Variants in TBC1D12 observed in about 807,000 individuals in gnomAD.
TBC1D12 encodes the protein TBC1 domain family, member 12.
A neutral mutation model predicts 86.7 loss-of-function variants in TBC1D12; 56 were observed. The observed-to-expected ratio is 0.65, with a 90% CI of 0.52 to 0.81. The LOEUF is 0.81. Ranked by LOEUF, TBC1D12 falls within the 30% of genes least tolerant of loss-of-function variation. The pLI is 0.00. For synonymous variants in TBC1D12, 421 were observed against 411.7 expected (o/e 1.02, Z -0.27); for missense variants, 1,023 against 1,038.8 (o/e 0.98, Z 0.21).
At chr10:94,455,499 C>T (rs1244439808) in intron 2 of TBC1D12, among the ~76,000 whole-genome samples, 3 of 152,182 alleles carry the variant, frequency 2.0e-5, no homozygotes, top group Non-Finnish European at 4.4e-5. Flanking sequence ...TAGAATTCAT[C>T]AGTGAACCCA....
At chr10:94,457,975 G>A (rs944294411) in intron 2 of TBC1D12, among the ~76,000 whole-genome samples, 3 of 151,832 alleles carry the variant, frequency 2.0e-5, no homozygotes, top group Non-Finnish European at 2.9e-5. Flanking sequence ...ACTGCCATTC[G>A]TTTTACTCAC....
At chr10:94,456,962 G>C (rs1310248108) in intron 2 of TBC1D12, among the ~76,000 whole-genome samples, 1 of 152,090 alleles carries the variant, frequency 6.6e-6, no homozygotes, top group African/African-American at 2.4e-5. Flanking sequence ...AGTCTGCTCT[G>C]TCTGAGATTA....
chr10:94,477,718 C>T (rs1289009372), intron 3 of TBC1D12, among the ~76,000 whole-genome samples: 1 of 152,142 alleles, frequency 6.6e-6, no homozygotes, highest in Non-Finnish European at 1.5e-5. Flanking sequence ...AATGCCACTA[C>T]TTCGACTATG....
chr10:94,500,902 A>G (rs576958933), intron 6 of TBC1D12, among the ~76,000 whole-genome samples: 2 of 152,206 alleles, frequency 1.3e-5, no homozygotes, highest in East Asian at 3.9e-4. Flanking sequence ...GTAAAAATAC[A>G]AAAATTAGCT....
chr10:94,407,224 A>C (rs1477077448), intron 1 of TBC1D12, among the ~76,000 whole-genome samples: 2 of 152,212 alleles, frequency 1.3e-5, no homozygotes, highest in Non-Finnish European at 2.9e-5. Flanking sequence ...CTTAGTGGTC[A>C]TCTCCCACTT....
At chr10:94,525,352 C>T (rs1316348328) in intron 11 of TBC1D12, among the ~76,000 whole-genome samples, 2 of 152,080 alleles carry the variant, frequency 1.3e-5, no homozygotes, top group African/African-American at 4.8e-5. Flanking sequence ...TGGCTCATGC[C>T]TGTAATCCTA....
intron 6 of TBC1D12, among the ~76,000 whole-genome samples, chr10:94,506,429 T>A (rs1429519235): frequency 6.6e-6 from 1 of 152,236 alleles, no homozygotes; most frequent in Non-Finnish European, 1.5e-5. Flanking sequence ...AAAAAACTTA[T>A]TTTGGACAAT....
At chr10:94,440,756 G>A (rs931116904) in intron 1 of TBC1D12, among the ~76,000 whole-genome samples, 2 of 152,078 alleles carry the variant, frequency 1.3e-5, no homozygotes, top group African/African-American at 4.8e-5. Flanking sequence ...GGTTCATTGG[G>A]CCCTGGTCAT....
chr10:94,463,653 A>G (rs2055763962), intron 2 of TBC1D12, among the ~76,000 whole-genome samples: 1 of 152,184 alleles, frequency 6.6e-6, no homozygotes, highest in Non-Finnish European at 1.5e-5. Flanking sequence ...ACAGTCAGAC[A>G]ATATATGTTA....
chr10:94,450,375 G>A (rs1324931328), intron 2 of TBC1D12, among the ~76,000 whole-genome samples: 3 of 151,804 alleles, frequency 2.0e-5, no homozygotes, highest in African/African-American at 7.3e-5. Context: ...AAGTGTATTA[G>A]TAGGAATTAA....
chr10:94,424,114 C>T (rs1203593685), intron 1 of TBC1D12, among the ~76,000 whole-genome samples: 2 of 152,148 alleles, frequency 1.3e-5, no homozygotes, highest in Non-Finnish European at 1.5e-5. Flanking sequence ...GCAAATAGTG[C>T]ACCAGTTTAT....
chr10:94,514,154 C>T (rs934759705), intron 9 of TBC1D12, among the ~76,000 whole-genome samples: 3 of 151,826 alleles, frequency 2.0e-5, no homozygotes, highest in Non-Finnish European at 2.9e-5. Flanking sequence ...GTGGGAAGAT[C>T]GCTTGAGCCC....
Position 94,403,384 on chromosome 10 carries a change from T to C in TBC1D12, c.771T>C (p.Asn257=), listed in dbSNP as rs755269898. Residue 257 remains asparagine, a synonymous_variant, in exon 1 of 13, where the codon AAT becomes AAC. Transcript: ENST00000225235. ...APPATSAERT[N]GGAEPRLGFS... ...CTGCCACCTCGGCCGAGAGGACTAA[T>C]GGGGGTGCGGAGCCGCGCCTGGGCT... 1.3e-6 allele frequency: 2 copies of C among 1,543,658 alleles called. No homozygotes were observed. The highest frequency in any genetic ancestry group is 1.4e-5 in the African/African-American group (1 of 71,222).
chr10:94,510,159 T>C lies in TBC1D12; in HGVS notation c.1669T>C (p.Ser557Pro). ...GTTGGACATATCCCGTACATTTCCA[T>C]CTCTCTACATCTTTCAGAAGGTGAG... ...IKLDISRTFP[S>P]LYIFQKGGPY... Residue 557 changes from serine to proline, a missense_variant, in exon 8 of 13, where the codon TCT becomes CCT. By Grantham distance (74) the Ser-to-Pro change is moderately conservative. Transcript: ENST00000225235. 1 of 1,594,626 alleles carries C rather than the reference T, an allele frequency of 6.3e-7. No individual in the cohort carries two copies. Among genetic ancestry groups the C allele is most frequent in the Admixed American group, 1.9e-5 (1 of 54,000 alleles).
intron 2 of TBC1D12, among the ~76,000 whole-genome samples, chr10:94,458,148 G>T (rs2055656648): frequency 1.3e-5 from 2 of 152,128 alleles, no homozygotes; most frequent in South Asian, 4.1e-4. Context: ...TTTAAGAGGT[G>T]ATTAATTCTT....
At chr10:94,465,182 G>C (rs955848892) in intron 2 of TBC1D12, among the ~76,000 whole-genome samples, 3 of 152,126 alleles carry the variant, frequency 2.0e-5, no homozygotes, top group Non-Finnish European at 2.9e-5. Context: ...GCATGGATAT[G>C]TGTATTTATG....
intron 1 of TBC1D12, among the ~76,000 whole-genome samples, chr10:94,415,999 AC>A (rs2054993539): frequency 6.6e-6 from 1 of 152,180 alleles, no homozygotes; most frequent in South Asian, 2.1e-4. Flanking sequence ...TAAAATAATA[AC>A]TAGCCACTTA....
At chr10:94,457,558 G>C (rs2055646789) in intron 2 of TBC1D12, among the ~76,000 whole-genome samples, 1 of 152,148 alleles carries the variant, frequency 6.6e-6, no homozygotes, top group Admixed American at 6.5e-5. Flanking sequence ...GGGATTACAG[G>C]CATGAGCCAC....
chr10:94,524,162 A>C (rs899869454), intron 11 of TBC1D12, among the ~76,000 whole-genome samples: 4 of 152,110 alleles, frequency 2.6e-5, no homozygotes, highest in Non-Finnish European at 5.9e-5. Context: ...TCCATTTTTT[A>C]CTTCCACCGT....
Sources: allele counts gnomAD v4.1 joint callset (sites outside exome capture counted in the v4.1 genomes callset), GRCh38; gene constraint gnomAD v4.1.1; transcripts MANE v1.5; gene names NCBI Gene and HGNC (gene_info 2026-07-23, HGNC 2026-07-21).